NINJ2: variants seen among roughly 807,000 people sequenced by gnomAD.
The protein encoded by NINJ2 is ninjurin 2.
In NINJ2, 12 loss-of-function variants were observed where a neutral mutation model predicts 11.7. The ratio of observed to expected loss-of-function variants is 1.02; its 90% confidence interval spans 0.66 to 1.66. The LOEUF is 1.66. Ranked by LOEUF, NINJ2 falls within the 40% of genes most tolerant of loss-of-function variation. The pLI is 0.00. For missense variants in NINJ2, 187 were observed against 181.8 expected (o/e 1.03, Z -0.16); for synonymous variants, 93 against 76.8 (o/e 1.21, Z -1.10).
intron 1 of NINJ2, among the ~76,000 whole-genome samples, chr12:617,078 C>T (rs1201697137): frequency 5.3e-5 from 8 of 152,248 alleles, no homozygotes; most frequent in African/African-American, 1.9e-4. Context: ...TGGTGGCGCA[C>T]ACCTGTAATC....
intron 1 of NINJ2, among the ~76,000 whole-genome samples, chr12:573,893 T>TTTA (rs1947413579): frequency 6.7e-6 from 1 of 149,516 alleles, no homozygotes; most frequent in Non-Finnish European, 1.5e-5. Context: ...GAGAAGGAAT[T>TTTA]TTATCTGTAC....
chr12:597,919 T>C (rs952360255), intron 1 of NINJ2, among the ~76,000 whole-genome samples: 1 of 152,282 alleles, frequency 6.6e-6, no homozygotes, highest in African/African-American at 2.4e-5. Context: ...GTTGAAGCCC[T>C]CTAGTATAAT....
At chr12:597,370 C>G (rs193263106) in intron 1 of NINJ2, among the ~76,000 whole-genome samples, 124 of 152,334 alleles carry the variant, frequency 8.1e-4, no homozygotes, top group African/African-American at 2.9e-3. Context: ...CTCAATAAAT[C>G]TCAGTGTTGC....
chr12:661,941 G>T (rs1444909660), intron 1 of NINJ2, among the ~76,000 whole-genome samples: 2 of 152,218 alleles, frequency 1.3e-5, no homozygotes, highest in Non-Finnish European at 2.9e-5. Context: ...AACAGGAGAG[G>T]CCCTGCCCTC....
intron 1 of NINJ2, among the ~76,000 whole-genome samples, chr12:618,552 C>T (rs1948120073): frequency 6.6e-6 from 1 of 152,182 alleles, no homozygotes; most frequent in Non-Finnish European, 1.5e-5. Flanking sequence ...CTCAGAGAGG[C>T]ATATAACCTA....
intron 1 of NINJ2, among the ~76,000 whole-genome samples, chr12:576,665 T>C (rs900606844): frequency 2.0e-5 from 3 of 152,176 alleles, no homozygotes; most frequent in Non-Finnish European, 4.4e-5. Context: ...GCCTCCGTGC[T>C]CTTTCTCAGG....
At chr12:571,763 G>A (rs1056470029) in intron 1 of NINJ2, among the ~76,000 whole-genome samples, 1 of 152,234 alleles carries the variant, frequency 6.6e-6, no homozygotes, top group African/African-American at 2.4e-5. Context: ...GTTTTTCATT[G>A]TTTATCGACT....
intron 1 of NINJ2, among the ~76,000 whole-genome samples, chr12:648,643 C>G (rs1179609873): frequency 2.6e-5 from 4 of 152,198 alleles, no homozygotes; most frequent in Non-Finnish European, 2.9e-5. Flanking sequence ...TGGCTGTCAC[C>G]TGCAAATCTA....
chr12:566,418 C>T (rs1479212134), intron 1 of NINJ2, among the ~76,000 whole-genome samples: 2 of 152,194 alleles, frequency 1.3e-5, no homozygotes, highest in Admixed American at 1.3e-4. Context: ...GTCACCCCTT[C>T]CCTCACACCT....
intron 1 of NINJ2, among the ~76,000 whole-genome samples, chr12:602,328 A>C (rs1432257028): frequency 6.6e-6 from 1 of 152,222 alleles, no homozygotes; most frequent in Non-Finnish European, 1.5e-5. Flanking sequence ...AGCCTAGGCA[A>C]CTACTAATCT....
chr12:572,516 G>A lies in NINJ2; in HGVS notation c.34-6338C>T, dbSNP rs1055113014. Among the ~76,000 whole-genome samples the A allele has an allele frequency of 2.0e-5, 3 of 152,236 alleles. 1 individual carries two copies. Among genetic ancestry groups the A allele is most frequent in the South Asian group, 4.1e-4 (2 of 4,834 alleles). On this transcript the variant is annotated intron_variant, in intron 1 of 3. Coordinates refer to ENST00000305108, the MANE Select transcript of NINJ2 (RefSeq NM_016533.6). ...GAAGAGTGATTCGTTCAAAGGAAGGGGCTTAGGTGAGCTTTTAATTCGGTA... is the reference window on the plus strand; with the variant it reads ...GAAGAGTGATTCGTTCAAAGGAAGGAGCTTAGGTGAGCTTTTAATTCGGTA...
rs1057326171 is a variant in NINJ2, at chr12:565,763, C to T, written c.262+187G>A. The T allele has an allele frequency of 1.2e-5, 8 of 672,822 alleles. No homozygotes were observed. In the South Asian group the frequency reaches 1.3e-4, roughly 11 times the overall value. 41.7% of individuals were successfully genotyped at this position (672,822 alleles called of 1,614,324 possible). A position where few individuals can be genotyped will look rare whatever the true frequency, so the allele number is the denominator to read the frequency against. On this transcript the variant is annotated intron_variant, in intron 2 of 3. Transcript: ENST00000305108. ...CTCCATGGGATACCAGGAGACAGGA[C>T]AGGGCGCCTGCCCTCGCGGGGTGGA...
chr12:644,105 A>G (rs1402634027), intron 1 of NINJ2: 1 of 154,828 alleles, frequency 6.5e-6, no homozygotes, highest in Non-Finnish European at 1.5e-5. Context: ...AAGTTAAAGT[A>G]AGGCAAGAAG....
intron 1 of NINJ2, among the ~76,000 whole-genome samples, chr12:567,967 A>G (rs1555161047): frequency 6.6e-6 from 1 of 152,220 alleles, no homozygotes; most frequent in Non-Finnish European, 1.5e-5. Context: ...AGATCGCACC[A>G]TTGCACTCTA....
In NINJ2 at chr12:591,432, T is replaced by C. The variant is rs576969717; in HGVS notation, c.34-25254A>G. ...GTCAACAACCTGGGGCTGTGCGCTC[T>C]CCTGATGCAAGGTCCTTTCTGCTAG... On this transcript the variant is annotated intron_variant, in intron 1 of 3. Coordinates refer to ENST00000305108, the MANE Select transcript of NINJ2 (RefSeq NM_016533.6). The surrounding 1 kb of genome is among the most constrained non-coding windows in gnomAD (Gnocchi z 5.0). Among the ~76,000 whole-genome samples, 1 of 152,244 alleles carries C rather than the reference T, an allele frequency of 6.6e-6. No homozygotes were observed. Among genetic ancestry groups the C allele is most frequent in the African/African-American group, 2.4e-5 (1 of 41,538 alleles).
At chr12:625,622 C>T (rs116466341) in intron 1 of NINJ2, among the ~76,000 whole-genome samples, 203 of 152,184 alleles carry the variant, frequency 1.3e-3, no homozygotes, top group African/African-American at 4.7e-3. Flanking sequence ...CCTTGGCCTC[C>T]GTTCTCTATG....
intron 1 of NINJ2, chr12:643,311 GGCCTCGCA>G (rs200585004): frequency 2.3e-6 from 1 of 443,244 alleles, no homozygotes; most frequent in Non-Finnish European, 3.0e-6. Flanking sequence ...GCACCGTCGC[GGCCTCGCA>G]GCCTCGCAGC....
At chr12:567,662 A>AAT in intron 1 of NINJ2, among the ~76,000 whole-genome samples, 1 of 152,072 alleles carries the variant, frequency 6.6e-6, no homozygotes, top group African/African-American at 2.4e-5. Context: ...ACATAGGCTA[A>AAT]CTGATTTACC....
chr12:663,361 C>T lies in NINJ2; in HGVS notation c.-1G>A, dbSNP rs569602741. On this transcript the variant is annotated 5_prime_UTR_variant, in exon 1 of 4. Coordinates refer to ENST00000305108, the MANE Select transcript of NINJ2 (RefSeq NM_016533.6). ...CGATGTTTTCTCTTGCTGATTCCAT[C>T]TCGCTGCCCTCAAGTCCCTTCACAC... 3.3e-5 allele frequency: 53 copies of T among 1,614,206 alleles called. No homozygotes were observed. The South Asian group carries it at 5.6e-4, about 17-fold the overall frequency.
Sources: allele counts gnomAD v4.1 joint callset (sites outside exome capture counted in the v4.1 genomes callset), GRCh38; gene constraint gnomAD v4.1.1; non-coding constraint Gnocchi (gnomAD v3.1); transcripts MANE v1.5; gene names NCBI Gene and HGNC (gene_info 2026-07-23, HGNC 2026-07-21).